The following SUN1 variants were observed in gnomAD, a reference collection of about 807,000 sequenced individuals.
SUN1 encodes the protein SUN domain-containing protein 1.
In SUN1, 61 loss-of-function variants were observed where a neutral mutation model predicts 103.2. The ratio of observed to expected loss-of-function variants is 0.59; its 90% CI spans 0.48 to 0.73. The LOEUF (loss-of-function observed/expected upper bound fraction) is 0.73, where lower values mean the gene tolerates loss of function less well. Among genes scored for constraint, SUN1 ranks in the 30% least tolerant of loss-of-function variants. SUN1 has a pLI of 0.00. For synonymous variants in SUN1, 490 were observed against 425.7 expected (o/e 1.15, Z -1.86); for missense variants, 1,052 against 1,034.6 (o/e 1.02, Z -0.23).
intron 5 of SUN1, among the ~76,000 whole-genome samples, chr7:847,332 C>G (rs1211924111): frequency 1.3e-5 from 2 of 149,896 alleles, no homozygotes; most frequent in Non-Finnish European, 1.5e-5. Flanking sequence ...CCGGGATCCC[C>G]TGGGGGTTAC....
chr7:830,043 TG>T (rs1178014138), upstream of SUN1, among the ~76,000 whole-genome samples: 5 of 152,272 alleles, frequency 3.3e-5, no homozygotes, highest in African/African-American at 7.2e-5. Flanking sequence ...GGACTAAGGA[TG>T]AAATTTAAAA....
chr7:857,252 C>T (rs896558324), intron 12 of SUN1, among the ~76,000 whole-genome samples: 2 of 152,228 alleles, frequency 1.3e-5, no homozygotes, highest in African/African-American at 4.8e-5. Flanking sequence ...CCCCATGTTC[C>T]TCTTCTGTGA....
At chr7:869,298 T>A (rs768034067) in intron 16 of SUN1, 51 bp from the exon 17 acceptor site, 1 of 1,565,584 alleles carries the variant, frequency 6.4e-7, no homozygotes, top group South Asian at 1.2e-5. Flanking sequence ...TGCTGCTAAG[T>A]GGGTAAGAGC....
chr7:868,467 C>T, intron 16 of SUN1: 2 of 300,362 alleles, frequency 6.7e-6, no homozygotes, highest in South Asian at 5.6e-5. Context: ...AGGGCATCAG[C>T]AGCTGACCCT....
chr7:851,658 T>C (rs1822293776), intron 6 of SUN1, 176 bp downstream of exon 6: 1 of 686,836 alleles, frequency 1.5e-6, no homozygotes, highest in African/African-American at 1.8e-5. Flanking sequence ...ACTTGCTGCA[T>C]GAGCGCCCTT....
At chr7:819,301 C>A (rs1783848326) in intron 1 of SUN1, among the ~76,000 whole-genome samples, 1 of 151,186 alleles carries the variant, frequency 6.6e-6, no homozygotes, top group East Asian at 1.9e-4. Context: ...TCTCTTCACT[C>A]TCTTGTTGGT....
At chr7:862,220 A>G (rs1832776323) in intron 15 of SUN1, among the ~76,000 whole-genome samples, 1 of 152,238 alleles carries the variant, frequency 6.6e-6, no homozygotes, top group Non-Finnish European at 1.5e-5. Flanking sequence ...TGGGGGACTC[A>G]CATCACTCAG....
upstream of SUN1, chr7:832,376 G>T (rs549719795): frequency 1.3e-6 from 1 of 769,810 alleles, no homozygotes. Flanking sequence ...GCTGCTGGCC[G>T]TGTTTCCTGT....
chr7:848,543 T>C, intron 5 of SUN1: 1 of 1,361,412 alleles, frequency 7.3e-7, no homozygotes, highest in Non-Finnish European at 9.8e-7. Context: ...ATCAGAAAAT[T>C]ACAAATTGAA....
chr7:849,450 C>T, intron 5 of SUN1: 1 of 1,169,650 alleles, frequency 8.5e-7, no homozygotes, highest in Non-Finnish European at 1.2e-6. Flanking sequence ...ATGTTGACTT[C>T]ATCAGGGTGC....
intron 1 of SUN1, 139 bp downstream of exon 1, chr7:832,740 T>A: frequency 1.4e-6 from 1 of 709,740 alleles, no homozygotes; most frequent in Non-Finnish European, 2.4e-6. Context: ...ATAAACTGTA[T>A]CTTATGGCTT....
upstream of SUN1, among the ~76,000 whole-genome samples, chr7:828,733 A>C (rs955706836): frequency 6.6e-6 from 1 of 152,194 alleles, no homozygotes; most frequent in Admixed American, 6.5e-5. Context: ...GGTGACAGGC[A>C]TCCCTGGCCG....
intron 2 of SUN1, among the ~76,000 whole-genome samples, chr7:839,558 CT>C (rs749073086): frequency 2.2e-5 from 1 of 44,630 alleles, no homozygotes. Context: ...GCAAATTTTC[CT>C]TTTTTTTTGA....
In SUN1 at chr7:832,529, A is replaced by T; in HGVS notation, c.5A>T (p.Asp2Val). The T allele has an allele frequency of 6.2e-7, 1 of 1,613,002 alleles. No individual in the cohort carries two copies. The highest frequency in any genetic ancestry group is 8.5e-7 in the Non-Finnish European group (1 of 1,179,560). M[D>V]FSRLHMYSPP... ...GTATGGTTTGAAGTGGTGAACATGG[A>T]TTTTTCTCGGCTTCACATGTACAGT... The change falls in exon 1 of 19, where the codon GAT (aspartate) becomes GTT (valine). Residue 2 changes from aspartate (D) to valine (V), a missense_variant. Transcript: ENST00000401592.
intron 3 of SUN1, chr7:842,392 G>A (rs540729849): frequency 2.0e-3 from 1,006 of 502,018 alleles, no homozygotes; most frequent in Non-Finnish European, 3.0e-3. Flanking sequence ...ATTGGGTTAT[G>A]CTAACGTGTA....
At chr7:816,408 C>T (rs1456358721), upstream of SUN1, 5 of 195,700 alleles carry the variant, frequency 2.6e-5, no homozygotes, top group African/African-American at 1.3e-4. Context: ...TCGCCCGTCC[C>T]ACCCCGTGAC....
rs777283916 is a variant in SUN1 at position 853,517 on chromosome 7, A to C, written c.1162A>C (p.Thr388Pro). 6.2e-7 allele frequency: 1 copy of C among 1,613,688 alleles called. No homozygotes were observed. Among genetic ancestry groups the C allele is most frequent in the East Asian group, 2.2e-5 (1 of 44,896 alleles). ...TGGTGAGAATCTCCGAGAGCTGACCACTTTGCTACAGAAGCTGCAGGCTCG... is the reference window on the plus strand; with the variant it reads ...TGGTGAGAATCTCCGAGAGCTGACCCCTTTGCTACAGAAGCTGCAGGCTCG... Reference protein sequence around the residue: ...HHGENLRELTTLLQKLQARVD... With the variant: ...HHGENLRELTPLLQKLQARVD... Residue 388 changes from threonine to proline, a missense_variant, in exon 10 of 19, where the codon ACT becomes CCT. By Grantham distance (38) the Thr-to-Pro change is conservative (BLOSUM62 -1). Coordinates refer to ENST00000401592, the MANE Select transcript of SUN1 (RefSeq NM_001130965.3).
chr7:843,707 A>G, intron 5 of SUN1, 187 bp downstream of exon 5: 2 of 1,437,980 alleles, frequency 1.4e-6, no homozygotes, highest in South Asian at 1.6e-5. Flanking sequence ...TTATGTGGTT[A>G]GTAATTTTGT....
chr7:833,693 C>G (rs1584283444), intron 1 of SUN1, among the ~76,000 whole-genome samples: 2 of 152,172 alleles, frequency 1.3e-5, no homozygotes, highest in African/African-American at 4.8e-5. Flanking sequence ...ATACTTGTTA[C>G]CAGCATTAGT....
Sources: allele counts gnomAD v4.1 joint callset (sites outside exome capture counted in the v4.1 genomes callset), GRCh38; gene constraint gnomAD v4.1.1; transcripts MANE v1.5; gene names NCBI Gene and HGNC (gene_info 2026-07-23, HGNC 2026-07-21).